The following CNTRL variants were observed in gnomAD, a reference collection of about 807,000 sequenced individuals.
CNTRL encodes 110 kDa centrosomal protein.
In CNTRL, 233 loss-of-function variants were observed where a neutral mutation model predicts 303.7. That is an observed-to-expected ratio of 0.77 (90% CI 0.69 to 0.86). The LOEUF (loss-of-function observed/expected upper bound fraction) is 0.86. Ranked by LOEUF, CNTRL falls within the 40% of genes least tolerant of loss-of-function variation. The pLI, the probability that CNTRL is intolerant of heterozygous loss-of-function variation, is 0.00. For synonymous variants in CNTRL, 900 were observed against 922.2 expected, an observed-to-expected ratio of 0.98 and a Z score of 0.44; for missense variants, 2,524 against 2,650.6, an observed-to-expected ratio of 0.95 and a Z score of 1.05.
At chr9:121,108,662 C>T (rs946399937) in intron 8 of CNTRL, among the ~76,000 whole-genome samples, 2 of 151,962 alleles carry the variant, frequency 1.3e-5, no homozygotes, top group African/African-American at 4.8e-5. Flanking sequence ...TGCCAGGCGC[C>T]ATCGCTCATG....
intron 7 of CNTRL, among the ~76,000 whole-genome samples, chr9:121,104,499 A>T (rs2049356086): frequency 6.6e-6 from 1 of 152,202 alleles, no homozygotes. Flanking sequence ...GTGCACATGT[A>T]CCCTAGAACT....
At position 121,125,739 on chromosome 9, in the gene CNTRL, C is replaced by A. The variant is rs759726442; in HGVS notation, c.1828C>A (p.Leu610Met). 1 of 1,614,084 alleles carries A rather than the reference C, an allele frequency of 6.2e-7. No individual in the cohort carries two copies. The highest frequency in any genetic ancestry group is 8.5e-7 in the Non-Finnish European group (1 of 1,180,010). The change falls in exon 14 of 44, where the codon CTG becomes ATG. Residue 610 changes from leucine to methionine, a missense_variant. Physicochemically the swap from Leu to Met is conservative, Grantham distance 15. Coordinates refer to ENST00000373855, the MANE Select transcript of CNTRL (RefSeq NM_007018.6). ...AGGCCAGATAGCAGCAAATGAAGCC[C>A]TGAAGAAGGATTTAGAAGGTGTTAT... Reference protein sequence around the residue: ...TEGQIAANEALKKDLEGVISG... With the variant: ...TEGQIAANEAMKKDLEGVISG...
intron 4 of CNTRL, among the ~76,000 whole-genome samples, chr9:121,093,341 C>T (rs2048748833): frequency 6.6e-6 from 1 of 152,118 alleles, no homozygotes; most frequent in Non-Finnish European, 1.5e-5. Context: ...ATCTGCAATG[C>T]TCCAAAATCC....
chr9:121,115,380 T>G (rs1262295288), intron 11 of CNTRL, among the ~76,000 whole-genome samples, 180 bp downstream of exon 11: 1 of 152,244 alleles, frequency 6.6e-6, no homozygotes, highest in East Asian at 1.9e-4. Context: ...CCATTTATGA[T>G]GACATCCAAT....
At position 121,075,061 on chromosome 9, in the gene CNTRL, C is replaced by G; in HGVS notation, c.-211C>G. 1 of 419,920 alleles carries G rather than the reference C, an allele frequency of 2.4e-6. No homozygotes were observed. The highest frequency in any genetic ancestry group is 3.6e-4 in the Middle Eastern group (1 of 2,816). 26.0% of individuals were successfully genotyped at this position (419,920 alleles called of 1,614,324 possible). On this transcript the variant is annotated 5_prime_UTR_variant, in exon 1 of 44. Transcript: ENST00000373855. ...CCTGCGGGACTGCTCGGCTCGGCTT[C>G]TAGGCGGTGAGCGTCAGACCTGGCC...
chr9:121,133,896 C>G (rs969485795), intron 14 of CNTRL, among the ~76,000 whole-genome samples: 1 of 152,082 alleles, frequency 6.6e-6, no homozygotes, highest in Non-Finnish European at 1.5e-5. Flanking sequence ...TATGTATTTC[C>G]TATGAACAAG....
At chr9:121,102,236 C>T (rs544635502) in intron 7 of CNTRL, among the ~76,000 whole-genome samples, 15 of 152,326 alleles carry the variant, frequency 9.8e-5, no homozygotes, top group African/African-American at 3.4e-4. Context: ...GCATGCAAGG[C>T]TGGTTCAACA....
At chr9:121,165,138 T>G (rs1468267720) in intron 35 of CNTRL, 38 bp downstream of exon 35, 4 of 1,511,214 alleles carry the variant, frequency 2.6e-6, no homozygotes, top group Non-Finnish European at 3.5e-6. Context: ...TGTGATTTCC[T>G]TGCCCTTCGT....
Position 121,125,783 on chromosome 9 carries a change from C to T in CNTRL, c.1872C>T (p.Tyr624=), listed in dbSNP as rs756891389. The T allele has an allele frequency of 1.2e-5, 20 of 1,614,034 alleles. No individual in the cohort carries two copies. Among genetic ancestry groups the T allele is most frequent in the Non-Finnish European group, 1.3e-5 (15 of 1,180,020 alleles). Residue 624 remains tyrosine (Y), a synonymous_variant, in exon 14 of 44, where the codon TAC becomes TAT. Coordinates refer to ENST00000373855, the MANE Select transcript of CNTRL (RefSeq NM_007018.6). ...LEGVISGLQE[Y]LGTIKGQATQ... ...GTGTTATCAGTGGGTTGCAAGAATA[C>T]CTGGGGACCATTAAAGGCCAGGCAA... is the stretch of plus-strand genomic sequence containing the variant.
chr9:121,150,209 T>C lies in CNTRL; in HGVS notation c.3689T>C (p.Leu1230Pro). Residue 1230 changes from leucine to proline, a missense_variant, in exon 25 of 44, where the codon CTG becomes CCG. By Grantham distance (98) the Leu-to-Pro change is moderately conservative. Transcript: ENST00000373855. ...SGGDSQEESE[L>P]DDQEEPPFVP... ...GGAGATAGTCAGGAAGAGAGTGAGC[T>C]GGATGACCAAGAAGAACCCCCATTT... 1 of 1,613,974 alleles carries C rather than the reference T, an allele frequency of 6.2e-7. No individual in the cohort carries two copies. Among genetic ancestry groups the C allele is most frequent in the Non-Finnish European group, 8.5e-7 (1 of 1,179,904 alleles).
chr9:121,112,634 G>T, intron 9 of CNTRL, 56 bp downstream of exon 9: 2 of 1,566,628 alleles, frequency 1.3e-6, no homozygotes, highest in South Asian at 1.1e-5. Context: ...GGGATGGAAT[G>T]GGGGAGGGCA....
In CNTRL at chr9:121,141,494, G is replaced by A. The variant is rs760467866; in HGVS notation, c.2597G>A (p.Arg866Lys). The change falls in exon 18 of 44, where the codon AGA (arginine) becomes AAA (lysine). Residue 866 changes from arginine to lysine, a missense_variant. By Grantham distance (26) the Arg-to-Lys change is conservative. Transcript: ENST00000373855. ...WERDEAQVRE[R>K]KLQEEMALQQ... ...AGAGATGAAGCACAAGTTAGAGAGA[G>A]AAAACTCCAAGAAGAAATGGCTCTG... 1.8e-5 allele frequency: 29 copies of A among 1,613,986 alleles called. No homozygotes were observed. In the South Asian group the frequency reaches 2.6e-4, roughly 15 times the overall value.
At chr9:121,081,648 A>C (rs1004820043) in intron 2 of CNTRL, among the ~76,000 whole-genome samples, 2 of 152,214 alleles carry the variant, frequency 1.3e-5, no homozygotes, top group African/African-American at 4.8e-5. Flanking sequence ...GATATTACAA[A>C]ATAAACAGCC....
chr9:121,117,834 C>T (rs1024868445), intron 11 of CNTRL, among the ~76,000 whole-genome samples: 2 of 151,994 alleles, frequency 1.3e-5, no homozygotes, highest in Non-Finnish European at 2.9e-5. Context: ...AAAAAATTAG[C>T]TGGGCGTGGT....
intron 7 of CNTRL, among the ~76,000 whole-genome samples, chr9:121,106,168 A>T (rs1207568170): frequency 6.6e-6 from 1 of 151,868 alleles, no homozygotes; most frequent in Non-Finnish European, 1.5e-5. Context: ...GCAAAACCCC[A>T]TCTCTACTAA....
intron 2 of CNTRL, among the ~76,000 whole-genome samples, chr9:121,081,306 T>C (rs1239808461): frequency 6.6e-6 from 1 of 152,240 alleles, no homozygotes; most frequent in African/African-American, 2.4e-5. Flanking sequence ...TACCACACAG[T>C]ACAATACTTG....
chr9:121,175,257 T>C (rs752706441), intron 43 of CNTRL, 33 bp downstream of exon 43: 9 of 1,578,800 alleles, frequency 5.7e-6, no homozygotes, highest in Non-Finnish European at 7.8e-6. Flanking sequence ...AACAAAACAA[T>C]AGCCTGAGGT....
chr9:121,096,398 T>C, intron 5 of CNTRL, 24 bp from the exon 6 acceptor site: 1 of 1,455,732 alleles, frequency 6.9e-7, no homozygotes, highest in Non-Finnish European at 9.2e-7. Context: ...CTCACTAAAT[T>C]TTATTTTATC....
intron 7 of CNTRL, among the ~76,000 whole-genome samples, chr9:121,105,145 C>T (rs1360635999): frequency 6.6e-6 from 1 of 152,150 alleles, no homozygotes; most frequent in African/African-American, 2.4e-5. Flanking sequence ...CTATGCCATA[C>T]CATCTGAATA....
Sources: allele counts gnomAD v4.1 joint callset (sites outside exome capture counted in the v4.1 genomes callset), GRCh38; gene constraint gnomAD v4.1.1; transcripts MANE v1.5; gene names NCBI Gene and HGNC (gene_info 2026-07-23, HGNC 2026-07-21).